The following CACNA1A variants were observed in gnomAD, a reference collection of about 807,000 sequenced individuals.
The protein encoded by CACNA1A is voltage-dependent P/Q-type calcium channel subunit alpha-1A.
A neutral mutation model predicts 262.4 loss-of-function variants in CACNA1A; 57 were observed. That is an observed-to-expected ratio of 0.22 (90% confidence interval 0.18 to 0.27). The LOEUF (loss-of-function observed/expected upper bound fraction) is 0.27. CACNA1A is among the 10% of genes least tolerant of loss of function. CACNA1A has a pLI of 1.00. For synonymous variants in CACNA1A, 1,431 were observed against 1,419.3 expected, an observed-to-expected ratio of 1.01 and a Z score of -0.18; for missense variants, 2,526 against 3,562.8, an observed-to-expected ratio of 0.71 and a Z score of 7.41.
chr19:13,285,237 C>T lies in CACNA1A; in HGVS notation c.3554-31G>A, dbSNP rs562946427. 36 of 1,612,432 alleles carry T rather than the reference C, an allele frequency of 2.2e-5. No homozygotes were observed. The African/African-American group carries it at 4.1e-4, about 19-fold the overall frequency. On this transcript the variant is annotated intron_variant, in intron 20 of 46. Transcript: ENST00000360228. ...GGGACAAGAACCAACACAGGGCTCCCTCCACAATTTCCCACAAGTCTCTGG... is the reference window on the plus strand; with the variant it reads ...GGGACAAGAACCAACACAGGGCTCCTTCCACAATTTCCCACAAGTCTCTGG...
rs1408989522 is a variant in CACNA1A at position 13,230,101 on chromosome 19, C to T, written c.5509G>A (p.Glu1837Lys). Residue 1837 changes from glutamate to lysine, a missense_variant, in exon 36 of 47, where the codon GAG becomes AAG. This residue lies in a region of CACNA1A where 112 missense variants were observed against 197.2 expected (regional missense o/e 0.57). Transcript: ENST00000360228. ...HLDEYVRVWA[E>K]YDPAAWGRMP... ...TCTTACCAAGCTGCGGGGTCATACT[C>T]GGCCCAGACACGCACGTACTCATCC... 4 of 1,613,498 alleles carry T rather than the reference C, an allele frequency of 2.5e-6. No homozygotes were observed. Among genetic ancestry groups the T allele is most frequent in the East Asian group, 2.2e-5 (1 of 44,850 alleles).
chr19:13,250,380 TTTTAA>T (rs1237878215), intron 30 of CACNA1A, among the ~76,000 whole-genome samples: 48 of 149,692 alleles, frequency 3.2e-4, no homozygotes, highest in African/African-American at 8.9e-4. Flanking sequence ...TAAAAAATAA[TTTTAA>T]TTTAATTTAA....
At chr19:13,210,306 A>G (rs2054756601) in intron 44 of CACNA1A, among the ~76,000 whole-genome samples, 1 of 152,104 alleles carries the variant, frequency 6.6e-6, no homozygotes, top group African/African-American at 2.4e-5. Flanking sequence ...TGTCAGGAGA[A>G]GAAGCCCCCC....
intron 1 of CACNA1A, among the ~76,000 whole-genome samples, chr19:13,499,988 G>A (rs1311357713): frequency 2.6e-5 from 4 of 151,970 alleles, no homozygotes; most frequent in African/African-American, 4.8e-5. Context: ...TAAGCCCTAC[G>A]CACCCAACAG....
chr19:13,452,664 G>C, intron 3 of CACNA1A: 1 of 469,240 alleles, frequency 2.1e-6, no homozygotes, highest in Non-Finnish European at 3.8e-6. Flanking sequence ...CAACAATAAT[G>C]AGCTATTATT....
At chr19:13,371,654 G>A in intron 4 of CACNA1A, 34 bp downstream of exon 4, 1 of 1,507,574 alleles carries the variant, frequency 6.6e-7, no homozygotes, top group South Asian at 1.2e-5. Flanking sequence ...GGGCCCGTGA[G>A]CAAACCCCTT....
At chr19:13,278,876 G>A (rs993709449) in intron 22 of CACNA1A, among the ~76,000 whole-genome samples, 2 of 152,154 alleles carry the variant, frequency 1.3e-5, no homozygotes, top group Non-Finnish European at 1.5e-5. Context: ...TCAGGGTGAG[G>A]TGACTTCCTG....
chr19:13,330,415 A>G (rs889650429), intron 9 of CACNA1A, 82 bp from the exon 10 acceptor site: 4 of 975,916 alleles, frequency 4.1e-6, no homozygotes, highest in Non-Finnish European at 6.4e-6. Flanking sequence ...GTGTCCTTGG[A>G]TTTAACTCTC....
intron 3 of CACNA1A, among the ~76,000 whole-genome samples, chr19:13,413,794 T>C (rs2060162735): frequency 6.6e-6 from 1 of 150,570 alleles, no homozygotes; most frequent in African/African-American, 2.5e-5. Flanking sequence ...GACAGGAGAA[T>C]TGCTTGAACC....
chr19:13,307,919 T>C, intron 14 of CACNA1A, 65 bp from the exon 15 acceptor site: 1 of 1,467,594 alleles, frequency 6.8e-7, no homozygotes, highest in Non-Finnish European at 9.5e-7. Flanking sequence ...TGTGGCTCAG[T>C]ATCTCATCTC....
intron 1 of CACNA1A, among the ~76,000 whole-genome samples, chr19:13,457,359 C>T (rs1049634114): frequency 6.6e-6 from 1 of 152,192 alleles, no homozygotes; most frequent in Non-Finnish European, 1.5e-5. Flanking sequence ...TACCATGTGA[C>T]ACACAGTAAC....
intron 12 of CACNA1A, among the ~76,000 whole-genome samples, chr19:13,311,084 T>C (rs1471575488): frequency 6.6e-6 from 1 of 152,168 alleles, no homozygotes; most frequent in Non-Finnish European, 1.5e-5. Context: ...TGAGCCACTG[T>C]GCCTGGCCTA....
chr19:13,384,360 G>A (rs146585015), intron 3 of CACNA1A, among the ~76,000 whole-genome samples: 1 of 152,262 alleles, frequency 6.6e-6, no homozygotes, highest in Non-Finnish European at 1.5e-5. Flanking sequence ...ACAGACATGG[G>A]AGGAGACTGG....
intron 3 of CACNA1A, among the ~76,000 whole-genome samples, chr19:13,448,753 C>G (rs2144915835): frequency 6.6e-6 from 1 of 152,248 alleles, no homozygotes; most frequent in South Asian, 2.1e-4. Context: ...GTCAAAATAG[C>G]CCAAAGCTGG....
At chr19:13,402,844 A>G (rs2059925866) in intron 3 of CACNA1A, among the ~76,000 whole-genome samples, 1 of 121,016 alleles carries the variant, frequency 8.3e-6, no homozygotes, top group Non-Finnish European at 1.6e-5. Context: ...ACATATATAT[A>G]CACATATATA....
intron 28 of CACNA1A, chr19:13,256,153 C>G (rs2056564116): frequency 6.6e-6 from 1 of 151,880 alleles, no homozygotes. Flanking sequence ...CCACACCCAG[C>G]TAATTAAAAC....
At chr19:13,496,142 C>T (rs1981509583) in intron 1 of CACNA1A, among the ~76,000 whole-genome samples, 1 of 152,200 alleles carries the variant, frequency 6.6e-6, no homozygotes, top group African/African-American at 2.4e-5. Flanking sequence ...CTCTAAACCA[C>T]AAACATCCAG....
intron 3 of CACNA1A, among the ~76,000 whole-genome samples, chr19:13,423,877 C>G (rs1401885909): frequency 6.6e-6 from 1 of 152,122 alleles, no homozygotes; most frequent in Non-Finnish European, 1.5e-5. Flanking sequence ...CAGAGCTACT[C>G]TGAGAGATAA....
intron 3 of CACNA1A, among the ~76,000 whole-genome samples, chr19:13,437,630 G>T (rs950648671): frequency 6.9e-6 from 1 of 144,202 alleles, no homozygotes; most frequent in East Asian, 2.1e-4. Context: ...GGCAGAAGTT[G>T]CAGTGAGCCA....
Sources: gnomAD v4.1 joint callset for allele counts (sites outside exome capture counted in the v4.1 genomes callset) on GRCh38, gnomAD v4.1.1 for gene constraint, gnomAD v4.1.1 regional missense constraint, MANE v1.5 for transcripts, NCBI Gene and HGNC (gene_info 2026-07-23, HGNC 2026-07-21) for gene names.